Variants in SEC24B observed in about 807,000 individuals in gnomAD.
SEC24B encodes SEC24 homolog B, COPII component, also known as protein transport protein Sec24B.
In SEC24B, 45 loss-of-function variants were observed where a neutral mutation model predicts 142.8. The observed-to-expected ratio is 0.32, with a 90% CI of 0.25 to 0.40. The LOEUF (loss-of-function observed/expected upper bound fraction) is 0.40. SEC24B is among the 10% of genes least tolerant of loss of function. The probability of loss-of-function intolerance (pLI) is 1.00; values close to 1 mark genes in which losing one functional copy is unlikely to be tolerated. For synonymous variants in SEC24B, 574 were observed against 568.2 expected, an observed-to-expected ratio of 1.01 and a Z score of -0.15; for missense variants, 1,409 against 1,526.8, an observed-to-expected ratio of 0.92 and a Z score of 1.29.
At chr4:109,516,431 T>C (rs1722919880) in intron 10 of SEC24B, 97 bp from the exon 11 acceptor site, 7 of 650,220 alleles carry the variant, frequency 1.1e-5, no homozygotes, top group Non-Finnish European at 1.6e-5. Context: ...GTATTTTTTG[T>C]GTTAATATAT....
intron 3 of SEC24B, among the ~76,000 whole-genome samples, chr4:109,476,802 G>C (rs1733198094): frequency 6.6e-6 from 1 of 152,164 alleles, no homozygotes; most frequent in South Asian, 2.1e-4. Context: ...TTTTGTAAGT[G>C]AGGAAATTTA....
chr4:109,499,352 A>G (rs940300118), intron 6 of SEC24B, among the ~76,000 whole-genome samples: 1 of 152,196 alleles, frequency 6.6e-6, no homozygotes, highest in African/African-American at 2.4e-5. Context: ...GGCATAACTC[A>G]GTTTCAAAAT....
chr4:109,521,616 C>T lies in SEC24B; in HGVS notation c.2498C>T (p.Ser833Leu). ...TCCAGAGAAGATCCTAATCAGAGAT[C>T]AAGTACAAAGGTATTTTATGTTTAG... The part of the protein sequence containing the change: ...LQSREDPNQR[S>L]STKVVQHLGP... Residue 833 changes from serine (S) to leucine (L), a missense_variant, in exon 14 of 24, where the codon TCA becomes TTA. Physicochemically the swap from Ser to Leu is moderately radical, Grantham distance 145 (BLOSUM62 -2). Around this residue, in one of 2 missense-constraint regions of SEC24B, gnomAD observed 700 missense variants for 853.3 expected, o/e 0.82. Transcript: ENST00000265175. 1.2e-6 allele frequency: 2 copies of T among 1,609,726 alleles called. No individual in the cohort carries two copies. The highest frequency in any genetic ancestry group is 1.7e-6 in the Non-Finnish European group (2 of 1,176,702).
chr4:109,479,770 A>C (rs1341327512), intron 3 of SEC24B, among the ~76,000 whole-genome samples: 1 of 151,964 alleles, frequency 6.6e-6, no homozygotes, highest in Non-Finnish European at 1.5e-5. Flanking sequence ...TTGTCAGAAG[A>C]ATGTGCCACT....
chr4:109,482,975 TATATAC>T (rs1216266898), intron 4 of SEC24B, among the ~76,000 whole-genome samples: 7 of 54,966 alleles, frequency 1.3e-4, no homozygotes, highest in Admixed American at 3.7e-4. Context: ...TATATATATA[TATATAC>T]ACACACACAC....
intron 9 of SEC24B, among the ~76,000 whole-genome samples, chr4:109,512,649 A>AT (rs71594188): frequency 0.092 from 13,107 of 142,526 alleles, 650 homozygotes; most frequent in Middle Eastern, 0.19. Flanking sequence ...CTTCTGATCT[A>AT]TTTTTTTTTT....
At chr4:109,467,102 G>A (rs945882900) in intron 2 of SEC24B, among the ~76,000 whole-genome samples, 1 of 151,716 alleles carries the variant, frequency 6.6e-6, no homozygotes, top group Non-Finnish European at 1.5e-5. Flanking sequence ...CGAGGCGGGC[G>A]GATCACGAGG....
chr4:109,521,285 A>G lies in SEC24B; in HGVS notation c.2301+113A>G, dbSNP rs1312510448. 10 of 964,894 alleles carry G rather than the reference A, an allele frequency of 1.0e-5. No homozygotes were observed. In the Admixed American group the frequency reaches 1.2e-4, roughly 11 times the overall value. 59.8% of individuals were successfully genotyped at this position (964,894 alleles called of 1,614,324 possible). A position where few individuals can be genotyped will look rare whatever the true frequency, so the allele number is the denominator to read the frequency against. On this transcript the variant is annotated intron_variant, in intron 13 of 23. Coordinates refer to ENST00000265175, the MANE Select transcript of SEC24B (RefSeq NM_006323.5). ...TAGTATTACAAATAATAGACAATAT[A>G]AATGGCATATCTATTGACTCCTCAG...
At position 109,511,981 on chromosome 4, in the gene SEC24B, A is replaced by G; in HGVS notation, c.1801A>G (p.Thr601Ala). ...LTQLPVITSN[T>A]IVRCRSCRTY... ...GCAATTACCAGTGATAACATCAAAT[A>G]CCATTGTGAGGTGCCGATCCTGTCG... The change falls in exon 9 of 24, where the codon ACC (threonine) becomes GCC (alanine). Residue 601 changes from threonine to alanine, a missense_variant. Physicochemically the swap from Thr to Ala is moderately conservative, Grantham distance 58 (BLOSUM62 0). This residue lies in a region of SEC24B where 700 missense variants were observed against 853.3 expected (regional missense o/e 0.82). Transcript: ENST00000265175. The G allele has an allele frequency of 6.2e-7, 1 of 1,613,618 alleles. No homozygotes were observed. The highest frequency in any genetic ancestry group is 8.5e-7 in the Non-Finnish European group (1 of 1,179,874).
In SEC24B at chr4:109,513,539, C is replaced by T. The variant is rs1255308926; in HGVS notation, c.1904-208C>T. ...CCTCGTGATCCGCCCGCCGCGGCCG[C>T]CCAAAGTGCTGGGATTGCAGGCGTG... On this transcript the variant is annotated intron_variant, in intron 9 of 23. Coordinates refer to ENST00000265175, the MANE Select transcript of SEC24B (RefSeq NM_006323.5). 2.6e-5 allele frequency among the ~76,000 whole-genome samples: 4 copies of T among 152,292 alleles called. No individual in the cohort carries two copies. In the East Asian group the frequency reaches 5.8e-4, roughly 22 times the overall value.
chr4:109,467,980 A>G (rs1221007189), intron 2 of SEC24B, among the ~76,000 whole-genome samples: 1 of 152,224 alleles, frequency 6.6e-6, no homozygotes, highest in Non-Finnish European at 1.5e-5. Context: ...AAAGTCCACT[A>G]CACGCATGAC....
intron 1 of SEC24B, among the ~76,000 whole-genome samples, chr4:109,449,702 CATG>C (rs1299080056): frequency 6.6e-6 from 1 of 152,106 alleles, no homozygotes; most frequent in Non-Finnish European, 1.5e-5. Context: ...CTCCTTCTCT[CATG>C]GTGGTCCTGC....
chr4:109,447,991 A>G (rs746449353), intron 1 of SEC24B, among the ~76,000 whole-genome samples: 9 of 152,118 alleles, frequency 5.9e-5, no homozygotes, highest in Non-Finnish European at 1.3e-4. Flanking sequence ...AGCCAGCAAC[A>G]TTGCATCTGT....
chr4:109,530,324 G>A lies in SEC24B; in HGVS notation c.3112G>A (p.Ala1038Thr). ...DRSVSSSLSDARDALVNAVVD... is the reference protein window; with the variant it reads ...DRSVSSSLSDTRDALVNAVVD... ...GTCCGTTTCATCAAGTCTGTCAGATGCAAGAGATGCCTTAGTGAATGCTGT... is the reference window on the plus strand; with the variant it reads ...GTCCGTTTCATCAAGTCTGTCAGATACAAGAGATGCCTTAGTGAATGCTGT... The change falls in exon 19 of 24, where the codon GCA (alanine) becomes ACA (threonine). Residue 1038 changes from alanine to threonine, a missense_variant. Physicochemically the swap from Ala to Thr is moderately conservative, Grantham distance 58 (BLOSUM62 0). Around this residue, in one of 2 missense-constraint regions of SEC24B, gnomAD observed 700 missense variants for 853.3 expected, o/e 0.82. Coordinates refer to ENST00000265175, the MANE Select transcript of SEC24B (RefSeq NM_006323.5). 6.2e-7 allele frequency: 1 copy of A among 1,613,782 alleles called. No homozygotes were observed. Among genetic ancestry groups the A allele is most frequent in the Non-Finnish European group, 8.5e-7 (1 of 1,179,816 alleles).
rs541540633 is a variant in SEC24B, at chr4:109,539,780, A to G, written c.*105A>G. 4 of 717,530 alleles carry G rather than the reference A, an allele frequency of 5.6e-6. No individual in the cohort carries two copies. The highest frequency in any genetic ancestry group is 2.4e-6 in the Non-Finnish European group (1 of 418,308). The allele number at this position is 717,530 out of a possible 1,614,324, so 44.4% of individuals were successfully genotyped here. A position where few individuals can be genotyped will look rare whatever the true frequency, so the allele number is the denominator to read the frequency against. On this transcript the variant is annotated 3_prime_UTR_variant, in exon 24 of 24. Transcript: ENST00000265175. ...AAATGAAGGCATTTGTTAATACAAG[A>G]TGCAACGCACAGCACTCTGTCTGAG...
rs1039296419 is a variant in SEC24B, at chr4:109,539,634, T to C, written c.3766T>C (p.Tyr1256His). 1.9e-6 allele frequency: 3 copies of C among 1,613,844 alleles called. No homozygotes were observed. Among genetic ancestry groups the C allele is most frequent in the Non-Finnish European group, 2.5e-6 (3 of 1,179,818 alleles). The change falls in exon 24 of 24, where the codon TAT becomes CAT. Residue 1256 changes from tyrosine (Y) to histidine (H), a missense_variant. Transcript: ENST00000265175. ...EDRTEAAFSY[Y>H]EFLLHVQQQI... ...CCGGACAGAGGCTGCATTTTCTTAC[T>C]ATGAATTTTTGCTTCATGTTCAGCA...
Position 109,521,452 on chromosome 4 carries a change from C to G in SEC24B, c.2334C>G (p.Asn778Lys). The G allele has an allele frequency of 6.2e-7, 1 of 1,614,024 alleles. No individual in the cohort carries two copies. Among genetic ancestry groups the G allele is most frequent in the Non-Finnish European group, 8.5e-7 (1 of 1,179,974 alleles). Residue 778 changes from asparagine to lysine, a missense_variant, in exon 14 of 24, where the codon AAC (asparagine) becomes AAG (lysine). By Grantham distance (94) the Asn-to-Lys change is moderately conservative. Coordinates refer to ENST00000265175, the MANE Select transcript of SEC24B (RefSeq NM_006323.5). ...AAGACTTACTGAATGCATTACCAAA[C>G]ATGTTCACCAATACAAGAGAAACAC... ...LIKDLLNALP[N>K]MFTNTRETHS... is the part of the protein sequence containing the mutation.
chr4:109,533,656 A>G lies in SEC24B; in HGVS notation c.3559A>G (p.Thr1187Ala). 2 of 1,607,260 alleles carry G rather than the reference A, an allele frequency of 1.2e-6. No homozygotes were observed. Among genetic ancestry groups the G allele is most frequent in the African/African-American group, 1.3e-5 (1 of 74,770 alleles). Residue 1187 changes from threonine to alanine, a missense_variant, in exon 22 of 24, where the codon ACT (threonine) becomes GCT (alanine). Thr to Ala is a moderately conservative substitution (Grantham distance 58). Around this residue, in one of 2 missense-constraint regions of SEC24B, gnomAD observed 700 missense variants for 853.3 expected, o/e 0.82. Coordinates refer to ENST00000265175, the MANE Select transcript of SEC24B (RefSeq NM_006323.5). ...CTTCATAGAGGATGTGCTTGGATAT[A>G]CTAATTTTGCATCAATACCACAGAA... ...NNFIEDVLGY[T>A]NFASIPQKMT...
intron 3 of SEC24B, among the ~76,000 whole-genome samples, chr4:109,473,683 ATTGT>A (rs1165182241): frequency 9.8e-5 from 15 of 152,318 alleles, no homozygotes; most frequent in African/African-American, 3.1e-4. Flanking sequence ...TATATGATTT[ATTGT>A]TTGTTTAATA....
Sources: allele counts gnomAD v4.1 joint callset (sites outside exome capture counted in the v4.1 genomes callset), GRCh38; gene constraint gnomAD v4.1.1; regional missense constraint gnomAD v4.1.1; transcripts MANE v1.5; gene names NCBI Gene and HGNC (gene_info 2026-07-23, HGNC 2026-07-21).